The following STX1B variants were observed in gnomAD, a reference collection of about 807,000 sequenced individuals.
STX1B encodes the protein syntaxin-1B.
STX1B carries 7 observed loss-of-function variants against 39.4 expected under a neutral mutation model. That is an observed-to-expected ratio of 0.18 (90% CI 0.10 to 0.33). The LOEUF is 0.33. STX1B is among the 10% of genes least tolerant of loss of function. STX1B has a pLI of 1.00. For missense variants in STX1B, 198 were observed against 383.2 expected, an observed-to-expected ratio of 0.52 and a Z score of 4.04; for synonymous variants, 136 against 144.1, an observed-to-expected ratio of 0.94 and a Z score of 0.40.
intron 4 of STX1B, among the ~76,000 whole-genome samples, chr16:31,000,636 C>T (rs138107218): frequency 1.7e-3 from 256 of 152,154 alleles, no homozygotes; most frequent in African/African-American, 6.0e-3. Flanking sequence ...GGATTACAGG[C>T]GCCCGCCACC....
In STX1B at chr16:30,992,719, T is replaced by C. The variant is rs1596714103; in HGVS notation, c.*102A>G. On this transcript the variant is annotated 3_prime_UTR_variant, in exon 10 of 10. Transcript: ENST00000215095. ...GGGGTGGGGCTGCCTGGGTCTGTTT[T>C]GGGAGTGAGCCTGGAGCAGGGGATG... The C allele has an allele frequency of 3.8e-5, 26 of 688,802 alleles. No individual in the cohort carries two copies. The East Asian group carries it at 6.8e-4, about 18-fold the overall frequency. 42.7% of individuals were successfully genotyped at this position (688,802 alleles called of 1,614,324 possible).
chr16:30,989,365 G>A lies in STX1B; in HGVS notation c.*3456C>T, dbSNP rs1169072006. ...CATGCAGGGAGGAAGGGGGGGGCAG[G>A]ATTTTCCTGTGTTTTATCCATTTGC... On this transcript the variant is annotated 3_prime_UTR_variant, in exon 10 of 10. Coordinates refer to ENST00000215095, the MANE Select transcript of STX1B (RefSeq NM_052874.5). 1.3e-5 allele frequency: 2 copies of A among 151,876 alleles called. No individual in the cohort carries two copies. Among genetic ancestry groups the A allele is most frequent in the Non-Finnish European group, 2.9e-5 (2 of 67,964 alleles). The allele number at this position is 151,876 out of a possible 1,614,324, so 9.4% of individuals were successfully genotyped here.
intron 1 of STX1B, among the ~76,000 whole-genome samples, chr16:31,003,725 G>C (rs2056643336): frequency 6.6e-6 from 1 of 152,216 alleles, no homozygotes; most frequent in Non-Finnish European, 1.5e-5. Context: ...CCTCAAGACA[G>C]GAAGAATGAT....
chr16:30,997,524 T>A lies in STX1B; in HGVS notation c.332A>T (p.Asp111Val). ...QEEGLNRSSA[D>V]LRIRKTQHST... ...TACCTGGGTCTTGCGGATGCGCAGG[T>A]CCGCGGAGGAACGGTTCAGCCCCTC... Residue 111 changes from aspartate to valine, a missense_variant, in exon 5 of 10, where the codon GAC becomes GTC. Transcript: ENST00000215095. 1 of 1,609,282 alleles carries A rather than the reference T, an allele frequency of 6.2e-7. No homozygotes were observed. Among genetic ancestry groups the A allele is most frequent in the Non-Finnish European group, 8.5e-7 (1 of 1,178,456 alleles).
chr16:31,004,133 AGAGCACTT>A lies in STX1B; in HGVS notation c.31-2538_31-2531del, dbSNP rs1163609539. The stretch of plus-strand genomic sequence containing the variant: ...TGTGTCCGGACAACCTAGCAAAACA[AGAGCACTT>A]GATGGTATTTTTTGCGTAAGTCTTA... On this transcript the variant is annotated intron_variant, in intron 1 of 9. Transcript: ENST00000215095. Among the ~76,000 whole-genome samples the A allele has an allele frequency of 5.3e-5, 8 of 152,370 alleles. No homozygotes were observed. In the East Asian group the frequency reaches 1.5e-3, roughly 29 times the overall value.
chr16:30,993,517 CT>C (rs772550869), intron 7 of STX1B, 33 bp from the exon 8 acceptor site: 4 of 1,610,498 alleles, frequency 2.5e-6, no homozygotes, highest in Non-Finnish European at 1.7e-6. Context: ...TACAATCACC[CT>C]TCTCCGCCAT....
intron 1 of STX1B, among the ~76,000 whole-genome samples, chr16:31,003,154 C>G (rs549906807): frequency 2.4e-3 from 362 of 152,344 alleles, no homozygotes; most frequent in African/African-American, 8.4e-3. Context: ...ACCCCAGCCT[C>G]CCTGCTAAGC....
rs1483890675 is a variant in STX1B at position 30,990,660 on chromosome 16, A to G, written c.*2161T>C. 1 of 152,212 alleles carries G rather than the reference A, an allele frequency of 6.6e-6. No individual in the cohort carries two copies. Among genetic ancestry groups the G allele is most frequent in the East Asian group, 1.9e-4 (1 of 5,184 alleles). 9.4% of individuals were successfully genotyped at this position (152,212 alleles called of 1,614,324 possible). A position where few individuals can be genotyped will look rare whatever the true frequency, so the allele number is the denominator to read the frequency against. On this transcript the variant is annotated 3_prime_UTR_variant, in exon 10 of 10. Transcript: ENST00000215095. ...TAAGCCCCATGCCAGGGCATGGCAC[A>G]TTTGTGTACTTGTGTGTTCACCTTT...
chr16:30,992,649 G>GGGC lies in STX1B; in HGVS notation c.*171_*172insGCC, dbSNP rs1555493822. ...CGATCTACGTGCGGGGACGGGGGGG[G>GGGC]GGTCCATGGCCCGGTGAGGTCCAGG... On this transcript the variant is annotated 3_prime_UTR_variant, in exon 10 of 10. Coordinates refer to ENST00000215095, the MANE Select transcript of STX1B (RefSeq NM_052874.5). 4.1e-6 allele frequency: 2 copies of GGGC among 489,382 alleles called. No individual in the cohort carries two copies. Among genetic ancestry groups the GGGC allele is most frequent in the Non-Finnish European group, 7.2e-6 (2 of 279,098 alleles). The allele number at this position is 489,382 out of a possible 1,614,324, so 30.3% of individuals were successfully genotyped here. A position where few individuals can be genotyped will look rare whatever the true frequency, so the allele number is the denominator to read the frequency against.
intron 1 of STX1B, among the ~76,000 whole-genome samples, chr16:31,003,636 T>C (rs545743665): frequency 1.9e-4 from 29 of 152,292 alleles, no homozygotes; most frequent in African/African-American, 6.0e-4. Flanking sequence ...TAAAATCTAA[T>C]TTCAATCTCT....
Position 31,006,904 on chromosome 16 carries a change from C to A in STX1B, c.30+3463G>T, listed in dbSNP as rs1313247831. Among the ~76,000 whole-genome samples, 3 of 152,104 alleles carry A rather than the reference C, an allele frequency of 2.0e-5. No individual in the cohort carries two copies. In the East Asian group the frequency reaches 5.8e-4, roughly 29 times the overall value. On this transcript the variant is annotated intron_variant, in intron 1 of 9. Transcript: ENST00000215095. ...GCGTGGCGGGAGGATCATTTGAGGC[C>A]AGGAGTTCAAGACCAGTCTGGTCAA...
At chr16:31,010,095 C>T (rs956166254) in intron 1 of STX1B, among the ~76,000 whole-genome samples, 2 of 152,110 alleles carry the variant, frequency 1.3e-5, no homozygotes, top group Non-Finnish European at 2.9e-5. Flanking sequence ...GACCAGACCC[C>T]GGGGCCCTCC....
chr16:31,009,874 G>A (rs974774187), intron 1 of STX1B, among the ~76,000 whole-genome samples: 2 of 151,722 alleles, frequency 1.3e-5, no homozygotes, highest in African/African-American at 2.4e-5. Flanking sequence ...AGTGACACAC[G>A]CGTGTGCACA....
rs1335432721 is a variant in STX1B, at chr16:30,993,383, A to C, written c.639T>G (p.Asp213Glu). The change falls in exon 8 of 10, where the codon GAT (aspartate) becomes GAG (glutamate). Residue 213 changes from aspartate (D) to glutamate (E), a missense_variant. Transcript: ENST00000215095. ...CGAGCATGGCCATGTCCACAAACAT[A>C]TCGTGCAGCTCGCGGATGCTGGTCT... The part of the protein sequence containing the change: ...KLETSIRELH[D>E]MFVDMAMLVE... The C allele has an allele frequency of 6.2e-7, 1 of 1,614,076 alleles. No individual in the cohort carries two copies. The highest frequency in any genetic ancestry group is 2.2e-5 in the East Asian group (1 of 44,874).
Position 30,992,644 on chromosome 16 carries a change from G to T in STX1B, c.*177C>A, listed in dbSNP as rs1355266947. ...TGCTGCGATCTACGTGCGGGGACGG[G>T]GGGGGGGTCCATGGCCCGGTGAGGT... On this transcript the variant is annotated 3_prime_UTR_variant, in exon 10 of 10. Transcript: ENST00000215095. 47 of 495,430 alleles carry T rather than the reference G, an allele frequency of 9.5e-5. No individual in the cohort carries two copies. In the African/African-American group the frequency reaches 9.8e-4, roughly 10 times the overall value. 30.7% of individuals were successfully genotyped at this position (495,430 alleles called of 1,614,324 possible).
chr16:30,997,773 G>A (rs941429291), intron 4 of STX1B, among the ~76,000 whole-genome samples, 198 bp from the exon 5 acceptor site: 9 of 152,206 alleles, frequency 5.9e-5, no homozygotes, highest in African/African-American at 2.2e-4. Flanking sequence ...CGTTTGAGGG[G>A]GTTCCGAAGG....
chr16:31,007,010 C>CTG (rs1363798164), intron 1 of STX1B, among the ~76,000 whole-genome samples: 5 of 152,282 alleles, frequency 3.3e-5, no homozygotes, highest in Admixed American at 2.0e-4. Context: ...ACTCGAGAGG[C>CTG]TGTGGCAGGA....
chr16:31,005,960 G>A (rs1316787037), intron 1 of STX1B, among the ~76,000 whole-genome samples: 1 of 152,098 alleles, frequency 6.6e-6, no homozygotes, highest in Non-Finnish European at 1.5e-5. Flanking sequence ...GTGGAGCGAC[G>A]GCAAGGACAG....
chr16:30,992,925 C>T, intron 9 of STX1B, 24 bp from the exon 10 acceptor site: 3 of 1,597,894 alleles, frequency 1.9e-6, no homozygotes, highest in African/African-American at 2.7e-5. Context: ...AGGAGTGAGA[C>T]AGGCAGACAG....
Sources: gnomAD v4.1 joint callset for allele counts (sites outside exome capture counted in the v4.1 genomes callset) on GRCh38, gnomAD v4.1.1 for gene constraint, MANE v1.5 for transcripts, NCBI Gene and HGNC (gene_info 2026-07-23, HGNC 2026-07-21) for gene names.